METTL15: variants seen among roughly 807,000 people sequenced by gnomAD.
The protein encoded by METTL15 is 12S rRNA N(4)-cytidine methyltransferase METTL15.
A neutral mutation model predicts 38.3 loss-of-function variants in METTL15; 34 were observed. The ratio of observed to expected loss-of-function variants is 0.89; its 90% CI spans 0.68 to 1.18. The LOEUF (loss-of-function observed/expected upper bound fraction) is 1.18, where lower values mean the gene tolerates loss of function less well. METTL15 is among the 50% of genes most tolerant of loss of function. METTL15 has a pLI of 0.00. For missense variants in METTL15, 438 were observed against 498.4 expected, an observed-to-expected ratio of 0.88 and a Z score of 1.15; for synonymous variants, 162 against 170.9, an observed-to-expected ratio of 0.95 and a Z score of 0.41.
At chr11:28,497,210 A>G (rs1425532492) in intron 6 of METTL15, among the ~76,000 whole-genome samples, 1 of 152,324 alleles carries the variant, frequency 6.6e-6, no homozygotes, top group South Asian at 2.1e-4. Context: ...TTAGCTTTGT[A>G]TCTACAAGAA....
chr11:28,414,652 T>G (rs1359276666), intron 5 of METTL15, among the ~76,000 whole-genome samples: 1 of 152,232 alleles, frequency 6.6e-6, no homozygotes, highest in Non-Finnish European at 1.5e-5. Context: ...AGTCGTTTAT[T>G]TTTTGTTTTT....
intron 3 of METTL15, among the ~76,000 whole-genome samples, chr11:28,350,169 T>C (rs1850029234): frequency 6.6e-6 from 1 of 152,208 alleles, no homozygotes; most frequent in South Asian, 2.1e-4. Flanking sequence ...AAACGGTTCC[T>C]GTATCCAAAA....
At chr11:28,461,484 C>G (rs1851214317) in intron 6 of METTL15, among the ~76,000 whole-genome samples, 1 of 151,914 alleles carries the variant, frequency 6.6e-6, no homozygotes, top group Non-Finnish European at 1.5e-5. Context: ...CACATGGTCT[C>G]AAGAGAGGAG....
In METTL15 at chr11:28,331,748, A is replaced by C. The variant is rs1288052241; in HGVS notation, c.*907A>C. On this transcript the variant is annotated 3_prime_UTR_variant, in exon 7 of 7. Transcript: ENST00000407364. The stretch of plus-strand genomic sequence containing the variant: ...TCAAGAAAAGAGTACTTGGTAGAAG[A>C]TTCTTTAACAAATTGAGGAGATTGA... 1 of 152,250 alleles carries C rather than the reference A, an allele frequency of 6.6e-6. No homozygotes were observed. The highest frequency in any genetic ancestry group is 2.4e-5 in the African/African-American group (1 of 41,482). 9.4% of individuals were successfully genotyped at this position (152,250 alleles called of 1,614,324 possible).
chr11:28,517,945 T>C (rs1177552428), intron 6 of METTL15, among the ~76,000 whole-genome samples: 2 of 152,196 alleles, frequency 1.3e-5, no homozygotes, highest in African/African-American at 4.8e-5. Flanking sequence ...GCAAACAATC[T>C]TTACTTAACC....
chr11:28,391,433 G>T (rs541644038), intron 5 of METTL15, among the ~76,000 whole-genome samples: 1 of 152,202 alleles, frequency 6.6e-6, no homozygotes, highest in East Asian at 1.9e-4. Context: ...AGAGTTTTTA[G>T]CATGAAGCAT....
intron 6 of METTL15, among the ~76,000 whole-genome samples, chr11:28,509,927 T>C (rs1009605892): frequency 6.6e-6 from 1 of 152,150 alleles, no homozygotes; most frequent in African/African-American, 2.4e-5. Context: ...ATTTTTTTTT[T>C]CTATTCTTCT....
chr11:28,380,145 T>G (rs1161090842), intron 5 of METTL15, among the ~76,000 whole-genome samples: 3 of 151,386 alleles, frequency 2.0e-5, no homozygotes, highest in African/African-American at 7.3e-5. Context: ...GATCTTGTTC[T>G]TTATCCATTC....
chr11:28,128,649 G>A (rs886441039), intron 3 of METTL15, among the ~76,000 whole-genome samples: 4 of 152,084 alleles, frequency 2.6e-5, no homozygotes, highest in African/African-American at 9.6e-5. Context: ...AAGTTGAAAA[G>A]TGAGCGGAAA....
At chr11:28,438,474 C>A (rs1209566894) in intron 6 of METTL15, among the ~76,000 whole-genome samples, 2 of 152,090 alleles carry the variant, frequency 1.3e-5, no homozygotes, top group African/African-American at 4.8e-5. Context: ...ATTCCCTGTG[C>A]TTGAGAGATT....
chr11:28,263,785 A>T (rs2133944651), intron 4 of METTL15, among the ~76,000 whole-genome samples: 1 of 152,232 alleles, frequency 6.6e-6, no homozygotes, highest in African/African-American at 2.4e-5. Context: ...TATCTCTGAT[A>T]CTTGGCTTCG....
At chr11:28,391,135 A>G (rs957922349) in intron 5 of METTL15, among the ~76,000 whole-genome samples, 2 of 152,082 alleles carry the variant, frequency 1.3e-5, no homozygotes, top group Non-Finnish European at 2.9e-5. Context: ...TTGGGCTGAG[A>G]CAATGGGGTT....
chr11:28,450,396 A>G (rs1228437905), intron 6 of METTL15, among the ~76,000 whole-genome samples: 1 of 152,282 alleles, frequency 6.6e-6, no homozygotes, highest in Non-Finnish European at 1.5e-5. Context: ...ATGAGGAAAT[A>G]CAAAATAAAT....
chr11:28,289,300 TC>T (rs1338654746), intron 4 of METTL15, among the ~76,000 whole-genome samples: 4 of 152,160 alleles, frequency 2.6e-5, no homozygotes, highest in African/African-American at 9.6e-5. Flanking sequence ...ATTTACTTTC[TC>T]CATTGGAATT....
chr11:28,344,343 G>A (rs1444670400), intron 3 of METTL15, among the ~76,000 whole-genome samples: 1 of 152,088 alleles, frequency 6.6e-6, no homozygotes, highest in Non-Finnish European at 1.5e-5. Flanking sequence ...CTCGAATTAG[G>A]ATTCTTAATA....
chr11:28,387,985 G>C (rs1022047067), intron 5 of METTL15, among the ~76,000 whole-genome samples: 1 of 152,048 alleles, frequency 6.6e-6, no homozygotes, highest in Non-Finnish European at 1.5e-5. Context: ...AAAAGTATTT[G>C]AGAAAACTCA....
intron 3 of METTL15, among the ~76,000 whole-genome samples, chr11:28,141,193 T>C (rs1849687511): frequency 6.6e-6 from 1 of 152,120 alleles, no homozygotes; most frequent in South Asian, 2.1e-4. Flanking sequence ...TAGGTATTGC[T>C]GATTGACTGG....
chr11:28,143,399 G>A (rs965051605), intron 3 of METTL15, among the ~76,000 whole-genome samples: 1 of 152,114 alleles, frequency 6.6e-6, no homozygotes, highest in African/African-American at 2.4e-5. Flanking sequence ...GTACTCTCTA[G>A]TATTGCTCTT....
intron 4 of METTL15, among the ~76,000 whole-genome samples, chr11:28,272,103 C>T (rs962113011): frequency 2.0e-5 from 3 of 152,166 alleles, no homozygotes; most frequent in Admixed American, 1.3e-4. Flanking sequence ...AATAGGAACG[C>T]TCTTACACTG....
Sources: allele counts gnomAD v4.1 joint callset (sites outside exome capture counted in the v4.1 genomes callset), GRCh38; gene constraint gnomAD v4.1.1; transcripts MANE v1.5; gene names NCBI Gene and HGNC (gene_info 2026-07-23, HGNC 2026-07-21).